Variants in CCSER1 observed in about 807,000 individuals in gnomAD.
CCSER1 encodes the protein coiled-coil serine rich protein 1, also known as serine-rich coiled-coil domain-containing protein 1.
A neutral mutation model predicts 82.0 loss-of-function variants in CCSER1; 41 were observed. The observed-to-expected ratio is 0.50, with a 90% CI of 0.39 to 0.65. The LOEUF is 0.65. Among genes scored for constraint, CCSER1 ranks in the 30% least tolerant of loss-of-function variants. The pLI is 0.00. For missense variants in CCSER1, 1,119 were observed against 1,064.2 expected (o/e 1.05, Z -0.72); for synonymous variants, 414 against 383.9 (o/e 1.08, Z -0.92).
chr4:91,054,074 G>A (rs1266431424), intron 9 of CCSER1, among the ~76,000 whole-genome samples: 1 of 152,190 alleles, frequency 6.6e-6, no homozygotes, highest in East Asian at 1.9e-4. Context: ...GGGTTATAGG[G>A]GGGCTTGTAG....
At position 90,232,625 on chromosome 4, in the gene CCSER1, G is replaced by T. The variant is rs1054238013; in HGVS notation, c.-41-75619G>T. ...AAGAAAAGCCAAAATTGACAAATGGGATCTAATTAAACTAAAGAGCTTCTG... is the reference window on the plus strand; with the variant it reads ...AAGAAAAGCCAAAATTGACAAATGGTATCTAATTAAACTAAAGAGCTTCTG... On this transcript the variant is annotated intron_variant, in intron 1 of 10. Coordinates refer to ENST00000509176, the MANE Select transcript of CCSER1 (RefSeq NM_001145065.2). Among the ~76,000 whole-genome samples, 37 of 138,236 alleles carry T rather than the reference G, an allele frequency of 2.7e-4. 1 individual carries two copies. The highest frequency in any genetic ancestry group is 1.0e-3 in the African/African-American group (35 of 34,874). The allele number at this position is 138,236 out of a possible 152,430, so 90.7% of individuals were successfully genotyped here.
chr4:90,648,234 A>C (rs1302665448), intron 6 of CCSER1, among the ~76,000 whole-genome samples: 4 of 148,320 alleles, frequency 2.7e-5, no homozygotes, highest in Non-Finnish European at 1.5e-5. Context: ...GAAAGACAAA[A>C]TGAGAGGAAT....
At chr4:90,432,637 T>C (rs551457707) in intron 4 of CCSER1, among the ~76,000 whole-genome samples, 149 of 152,014 alleles carry the variant, frequency 9.8e-4, no homozygotes, top group Non-Finnish European at 1.9e-3. Flanking sequence ...TTCTTCTGTT[T>C]GGAGACTGGG....
chr4:90,792,457 G>T (rs930113744), intron 7 of CCSER1, among the ~76,000 whole-genome samples: 10 of 151,660 alleles, frequency 6.6e-5, no homozygotes, highest in Non-Finnish European at 8.8e-5. Flanking sequence ...TGTTATTCAC[G>T]CTGTCCTTTC....
intron 10 of CCSER1, among the ~76,000 whole-genome samples, chr4:91,449,967 T>G (rs779208177): frequency 2.0e-5 from 3 of 152,092 alleles, no homozygotes; most frequent in Non-Finnish European, 4.4e-5. Context: ...GTTAACCATT[T>G]TTTATTTCAT....
chr4:90,506,479 T>C (rs1271636826), intron 5 of CCSER1, among the ~76,000 whole-genome samples: 1 of 152,184 alleles, frequency 6.6e-6, no homozygotes, highest in African/African-American at 2.4e-5. Context: ...ATATTAACTT[T>C]AGGCCGGGCA....
At chr4:91,481,462 C>A (rs575469228) in intron 10 of CCSER1, among the ~76,000 whole-genome samples, 139 of 152,138 alleles carry the variant, frequency 9.1e-4, no homozygotes, top group African/African-American at 3.2e-3. Context: ...TGAGGACCTA[C>A]CCTAATGGCC....
chr4:90,946,799 C>T lies in CCSER1; in HGVS notation c.2172+23352C>T, dbSNP rs1581173596. ...CACTATACTGTATCCAAACCTCACCCATAGCACAGAATAAACTATATCCAT... is the reference window on the plus strand; with the variant it reads ...CACTATACTGTATCCAAACCTCACCTATAGCACAGAATAAACTATATCCAT... On this transcript the variant is annotated intron_variant, in intron 9 of 10. Coordinates refer to ENST00000509176, the MANE Select transcript of CCSER1 (RefSeq NM_001145065.2). Among the ~76,000 whole-genome samples the T allele has an allele frequency of 7.9e-5, 12 of 152,288 alleles. 1 individual carries two copies. In the South Asian group the frequency reaches 1.0e-3, roughly 13 times the overall value.
At chr4:90,929,178 G>A (rs1374190739) in intron 9 of CCSER1, among the ~76,000 whole-genome samples, 1 of 151,836 alleles carries the variant, frequency 6.6e-6, no homozygotes, top group Non-Finnish European at 1.5e-5. Flanking sequence ...ATTTATCAGA[G>A]GTGTGCTGGT....
intron 1 of CCSER1, among the ~76,000 whole-genome samples, chr4:90,176,097 T>A (rs1732609430): frequency 6.6e-6 from 1 of 151,804 alleles, no homozygotes; most frequent in South Asian, 2.1e-4. Context: ...GGCATGATAG[T>A]TGGGAACTTT....
intron 10 of CCSER1, among the ~76,000 whole-genome samples, chr4:91,232,426 T>C (rs1738695288): frequency 6.6e-6 from 1 of 151,776 alleles, no homozygotes; most frequent in Admixed American, 6.6e-5. Context: ...TATATATTGA[T>C]GTGAAACTAT....
At chr4:90,139,237 T>C (rs1434604542) in intron 1 of CCSER1, among the ~76,000 whole-genome samples, 1 of 152,182 alleles carries the variant, frequency 6.6e-6, no homozygotes, top group East Asian at 1.9e-4. Context: ...ACTAGTGTGG[T>C]ATTGATCTGC....
intron 10 of CCSER1, among the ~76,000 whole-genome samples, chr4:91,296,887 A>G (rs1744223324): frequency 6.6e-6 from 1 of 151,798 alleles, no homozygotes; most frequent in Non-Finnish European, 1.5e-5. Flanking sequence ...ACAGTTTTTA[A>G]AAAGGAATTT....
chr4:90,747,493 A>AG (rs1459703804), intron 7 of CCSER1, among the ~76,000 whole-genome samples: 3 of 152,060 alleles, frequency 2.0e-5, no homozygotes, highest in Non-Finnish European at 4.4e-5. Context: ...AGAAAAAAAA[A>AG]GAGAGGTGGA....
intron 10 of CCSER1, 72 bp from the exon 11 acceptor site, chr4:91,598,500 T>G: frequency 7.2e-7 from 1 of 1,394,600 alleles, no homozygotes; most frequent in East Asian, 2.5e-5. Flanking sequence ...TGTATAAATA[T>G]CACTCTGTAT....
At chr4:90,987,161 G>C (rs1000968541) in intron 9 of CCSER1, among the ~76,000 whole-genome samples, 1 of 151,432 alleles carries the variant, frequency 6.6e-6, no homozygotes, top group Non-Finnish European at 1.5e-5. Flanking sequence ...TTTAAGCTTA[G>C]TTTGTCTGTC....
chr4:91,086,718 T>C (rs1241138496), intron 10 of CCSER1, among the ~76,000 whole-genome samples: 1 of 152,108 alleles, frequency 6.6e-6, no homozygotes, highest in Non-Finnish European at 1.5e-5. Context: ...AATCTTACTG[T>C]CCTCTCCATT....
At chr4:91,255,746 G>A (rs1239064308) in intron 10 of CCSER1, among the ~76,000 whole-genome samples, 1 of 152,132 alleles carries the variant, frequency 6.6e-6, no homozygotes, top group African/African-American at 2.4e-5. Flanking sequence ...AACATAAATT[G>A]TGAAGATTTC....
chr4:91,254,682 A>C (rs56163926), intron 10 of CCSER1, among the ~76,000 whole-genome samples: 44,725 of 151,990 alleles, frequency 0.29, 6,638 homozygotes, highest in South Asian at 0.39. Flanking sequence ...CAAAAGTGGT[A>C]AAGATGCTAA....
Sources: gnomAD v4.1 joint callset for allele counts (sites outside exome capture counted in the v4.1 genomes callset) on GRCh38, gnomAD v4.1.1 for gene constraint, MANE v1.5 for transcripts, NCBI Gene and HGNC (gene_info 2026-07-23, HGNC 2026-07-21) for gene names.